Variants in TTC28 observed in about 807,000 individuals in gnomAD.
The protein encoded by TTC28 is tetratricopeptide repeat domain 28, also known as tetratricopeptide repeat protein 28.
In TTC28, 61 loss-of-function variants were observed where a neutral mutation model predicts 198.0. The observed-to-expected ratio is 0.31, with a 90% CI of 0.25 to 0.38. The LOEUF is 0.38. Among genes scored for constraint, TTC28 ranks in the 10% least tolerant of loss-of-function variants. The pLI, the probability that TTC28 is intolerant of heterozygous loss-of-function variation, is 1.00. For missense variants in TTC28, 2,678 were observed against 3,164.0 expected (o/e 0.85, Z 3.69); for synonymous variants, 1,171 against 1,297.8 (o/e 0.90, Z 2.10).
chr22:28,277,854 A>T (rs1410404873), intron 5 of TTC28, among the ~76,000 whole-genome samples: 3 of 152,100 alleles, frequency 2.0e-5, no homozygotes, highest in Non-Finnish European at 4.4e-5. Context: ...AAAATCAAGA[A>T]AGTGCAAGCT....
At chr22:28,487,032 C>T (rs967879443) in intron 2 of TTC28, among the ~76,000 whole-genome samples, 2 of 152,128 alleles carry the variant, frequency 1.3e-5, no homozygotes, top group Non-Finnish European at 2.9e-5. Flanking sequence ...TTTAGTTGAG[C>T]AAGTGAGTGG....
At chr22:28,079,336 T>C (rs960472501) in intron 12 of TTC28, among the ~76,000 whole-genome samples, 5 of 152,222 alleles carry the variant, frequency 3.3e-5, no homozygotes, top group Admixed American at 6.5e-5. Flanking sequence ...TGATTAAATA[T>C]GTATTTTTAA....
intron 3 of TTC28, among the ~76,000 whole-genome samples, chr22:28,305,205 T>G (rs760908878): frequency 1.3e-5 from 2 of 151,846 alleles, no homozygotes; most frequent in Non-Finnish European, 2.9e-5. Flanking sequence ...GTTGGTCAGG[T>G]TGGTCTCAAA....
intron 2 of TTC28, among the ~76,000 whole-genome samples, chr22:28,414,115 C>T (rs1352406499): frequency 1.3e-5 from 2 of 152,144 alleles, no homozygotes; most frequent in South Asian, 2.1e-4. Context: ...GTGTGTTGTA[C>T]GCACATTTGA....
intron 2 of TTC28, among the ~76,000 whole-genome samples, chr22:28,340,480 AAAG>A (rs2045812195): frequency 1.3e-5 from 2 of 151,960 alleles, no homozygotes; most frequent in South Asian, 2.1e-4. Flanking sequence ...AAAAAAAAGA[AAAG>A]AAGAAGAACA....
At chr22:28,206,462 C>T (rs974099007) in intron 5 of TTC28, among the ~76,000 whole-genome samples, 1 of 152,108 alleles carries the variant, frequency 6.6e-6, no homozygotes, top group South Asian at 2.1e-4. Context: ...TGTGCTAGCC[C>T]AAGAAGCAGT....
intron 2 of TTC28, among the ~76,000 whole-genome samples, chr22:28,556,632 C>T (rs185788615): frequency 1.7e-4 from 26 of 152,324 alleles, no homozygotes; most frequent in African/African-American, 5.5e-4. Flanking sequence ...CAAAACACAG[C>T]GGCTTAAAAC....
At chr22:28,403,987 T>C (rs1036100092) in intron 2 of TTC28, among the ~76,000 whole-genome samples, 4 of 151,910 alleles carry the variant, frequency 2.6e-5, no homozygotes, top group Non-Finnish European at 4.4e-5. Flanking sequence ...TCCATCATCA[T>C]GTGGCTTTGG....
chr22:28,098,211 G>C (rs1342605537), intron 10 of TTC28, among the ~76,000 whole-genome samples: 1 of 152,204 alleles, frequency 6.6e-6, no homozygotes, highest in Non-Finnish European at 1.5e-5. Flanking sequence ...GGCAGACCCA[G>C]GTGGCAGAAA....
At chr22:28,083,649 T>C (rs1157558609) in intron 12 of TTC28, among the ~76,000 whole-genome samples, 2 of 151,794 alleles carry the variant, frequency 1.3e-5, no homozygotes, top group Admixed American at 6.6e-5. Flanking sequence ...CACTGGGGAG[T>C]GCCAGACAGC....
chr22:28,310,135 A>AACACAC (rs751276999), intron 2 of TTC28, among the ~76,000 whole-genome samples: 1 of 73,278 alleles, frequency 1.4e-5, no homozygotes, highest in Non-Finnish European at 3.0e-5. Flanking sequence ...TGTGACACAT[A>AACACAC]ACACACACAC....
At chr22:28,387,497 C>G (rs1207615221) in intron 2 of TTC28, among the ~76,000 whole-genome samples, 4 of 152,222 alleles carry the variant, frequency 2.6e-5, no homozygotes, top group African/African-American at 9.7e-5. Context: ...ACATCCTCTC[C>G]AGCACCTGTT....
At position 28,214,394 on chromosome 22, in the gene TTC28, C is replaced by T. The variant is rs9613578; in HGVS notation, c.934-50795G>A. 5.9e-5 allele frequency among the ~76,000 whole-genome samples: 9 copies of T among 152,100 alleles called. No homozygotes were observed. The East Asian group carries it at 1.4e-3, about 23-fold the overall frequency. ...TACAATCTACTCATCTAACAAAGGG[C>T]GAATATCCAGAATCTACAAAGAACT... On this transcript the variant is annotated intron_variant, in intron 5 of 22. Transcript: ENST00000397906.
At position 28,443,482 on chromosome 22, in the gene TTC28, A is replaced by G. The variant is rs545046062; in HGVS notation, c.382-136839T>C. Among the ~76,000 whole-genome samples the G allele has an allele frequency of 2.0e-5, 3 of 152,300 alleles. No individual in the cohort carries two copies. The South Asian group carries it at 6.2e-4, about 32-fold the overall frequency. ...TACGCTGTTTTCGCTTCCTTCTTGG[A>G]TAACTTGGGAAAAGGATCTGCCCTT... is the stretch of plus-strand genomic sequence containing the variant. On this transcript the variant is annotated intron_variant, in intron 2 of 22. Transcript: ENST00000397906.
intron 2 of TTC28, among the ~76,000 whole-genome samples, chr22:28,500,617 T>C (rs181676755): frequency 4.6e-5 from 7 of 152,334 alleles, no homozygotes; most frequent in Admixed American, 2.6e-4. Flanking sequence ...TTGAATAACA[T>C]ACAATCTTGC....
chr22:28,028,777 T>C (rs908915801), intron 13 of TTC28: 1 of 317,170 alleles, frequency 3.2e-6, no homozygotes, highest in Non-Finnish European at 6.3e-6. Flanking sequence ...AACCCACCAG[T>C]TGTTCAGTGC....
At chr22:28,135,795 T>C (rs1473661145) in intron 6 of TTC28, among the ~76,000 whole-genome samples, 2 of 152,212 alleles carry the variant, frequency 1.3e-5, no homozygotes, top group Non-Finnish European at 2.9e-5. Context: ...ACCACTGTAA[T>C]TGTTTATTAT....
At chr22:28,343,029 T>C (rs2045856234) in intron 2 of TTC28, among the ~76,000 whole-genome samples, 1 of 152,078 alleles carries the variant, frequency 6.6e-6, no homozygotes, top group Non-Finnish European at 1.5e-5. Context: ...TGAAAACATC[T>C]AGTTGGTGGC....
In TTC28 at chr22:28,454,832, A is replaced by G. The variant is rs537389983; in HGVS notation, c.382-148189T>C. On this transcript the variant is annotated intron_variant, in intron 2 of 22. Transcript: ENST00000397906. Reference sequence around the variant, plus strand: ...ACATGAAAATGAAAAAAGAGAAGACACAGAAATAACAAGCTCAGAGCTGCC... The same window carrying G: ...ACATGAAAATGAAAAAAGAGAAGACGCAGAAATAACAAGCTCAGAGCTGCC... 9.8e-5 allele frequency among the ~76,000 whole-genome samples: 15 copies of G among 152,368 alleles called. No homozygotes were observed. In the South Asian group the frequency reaches 3.1e-3, roughly 32 times the overall value.
Sources: allele counts gnomAD v4.1 joint callset (sites outside exome capture counted in the v4.1 genomes callset), GRCh38; gene constraint gnomAD v4.1.1; transcripts MANE v1.5; gene names NCBI Gene and HGNC (gene_info 2026-07-23, HGNC 2026-07-21).